The following ZBTB20 variants were observed in gnomAD, a reference collection of about 807,000 sequenced individuals.
ZBTB20 encodes zinc finger and BTB domain-containing protein 20.
In ZBTB20, 9 loss-of-function variants were observed where a neutral mutation model predicts 56.9. The ratio of observed to expected loss-of-function variants is 0.16; its 90% CI spans 0.10 to 0.28. ZBTB20 has a LOEUF of 0.28. ZBTB20 is among the 10% of genes least tolerant of loss of function. ZBTB20 has a pLI of 1.00. For synonymous variants in ZBTB20, 417 were observed against 420.7 expected, an observed-to-expected ratio of 0.99 and a Z score of 0.11; for missense variants, 655 against 1,003.0, an observed-to-expected ratio of 0.65 and a Z score of 4.69.
At chr3:114,608,887 T>C (rs923516785) in intron 6 of ZBTB20, among the ~76,000 whole-genome samples, 2 of 152,194 alleles carry the variant, frequency 1.3e-5, no homozygotes, top group Non-Finnish European at 2.9e-5. Flanking sequence ...CATGTTTGCA[T>C]TACAGAGATA....
chr3:114,687,384 C>T (rs1180338347), intron 6 of ZBTB20: 1 of 151,420 alleles, frequency 6.6e-6, no homozygotes, highest in African/African-American at 2.4e-5. Flanking sequence ...ATTAGAGCAG[C>T]AGGAGAGAAT....
intron 7 of ZBTB20, among the ~76,000 whole-genome samples, chr3:114,441,664 A>G (rs1448175895): frequency 6.6e-6 from 1 of 152,122 alleles, no homozygotes; most frequent in African/African-American, 2.4e-5. Context: ...CACTACATTT[A>G]TTGTAAGCAA....
intron 7 of ZBTB20, among the ~76,000 whole-genome samples, chr3:114,472,680 C>T (rs778563832): frequency 6.8e-4 from 103 of 150,542 alleles, no homozygotes; most frequent in Non-Finnish European, 1.3e-3. Flanking sequence ...TGCACTCCAG[C>T]CTGGACAACA....
At chr3:114,638,198 G>GC (rs1186037496) in intron 6 of ZBTB20, among the ~76,000 whole-genome samples, 1 of 152,028 alleles carries the variant, frequency 6.6e-6, no homozygotes, top group Non-Finnish European at 1.5e-5. Flanking sequence ...TTCTGAGAAA[G>GC]CTTTTTTTTT....
chr3:114,913,362 G>C (rs775117429), intron 3 of ZBTB20, among the ~76,000 whole-genome samples: 9 of 151,928 alleles, frequency 5.9e-5, no homozygotes, highest in South Asian at 4.1e-4. Flanking sequence ...TCATATACCA[G>C]TTTGCGATTT....
rs534321841 is a variant in ZBTB20, at chr3:115,111,921, A to G, written c.-703+35298T>C. Among the ~76,000 whole-genome samples the G allele has an allele frequency of 3.9e-5, 6 of 152,258 alleles. No homozygotes were observed. In the South Asian group the frequency reaches 1.2e-3, roughly 32 times the overall value. ...GGTGTCAAATCAAAATCCATCTCTT[A>G]AAGCTAATCAAGAAAAGTGAAGTAA... On this transcript the variant is annotated intron_variant, in intron 1 of 11. Coordinates refer to ENST00000675478, the MANE Select transcript of ZBTB20 (RefSeq NM_001348800.3).
rs2076291449 is a variant in ZBTB20, at chr3:114,929,837, C to A, written c.-455-29495G>T. On this transcript the variant is annotated intron_variant, in intron 3 of 11. Coordinates refer to ENST00000675478, the MANE Select transcript of ZBTB20 (RefSeq NM_001348800.3). ...AATAACAAGAATAAGTATTTTAACT[C>A]CTTCCTTTGAAATGAAAAGACAAAT... is the stretch of plus-strand genomic sequence containing the variant. Among the ~76,000 whole-genome samples, 4 of 152,192 alleles carry A rather than the reference C, an allele frequency of 2.6e-5. No homozygotes were observed. The South Asian group carries it at 8.3e-4, about 32-fold the overall frequency.
rs368252241 is a variant in ZBTB20, at chr3:115,124,930, TAATA to T, written c.-703+22285_-703+22288del. On this transcript the variant is annotated intron_variant, in intron 1 of 11. Transcript: ENST00000675478. ...GATTTTTATGTTTATTAGAATACCCTAATAAACATAGGTAAACACGAGTTTACCT... is the reference window on the plus strand; with the variant it reads ...GATTTTTATGTTTATTAGAATACCCTAACATAGGTAAACACGAGTTTACCT... Among the ~76,000 whole-genome samples the T allele has an allele frequency of 2.6e-3, 388 of 152,100 alleles. 2 individuals carry two copies. The highest frequency in any genetic ancestry group is 9.2e-3 in the African/African-American group (380 of 41,498).
At chr3:114,744,541 C>A (rs2066880814) in intron 5 of ZBTB20, among the ~76,000 whole-genome samples, 1 of 152,034 alleles carries the variant, frequency 6.6e-6, no homozygotes, top group African/African-American at 2.4e-5. Flanking sequence ...CTTTTACATG[C>A]AAGGGTGCTG....
intron 7 of ZBTB20, among the ~76,000 whole-genome samples, chr3:114,428,145 G>C (rs970514734): frequency 2.0e-5 from 3 of 152,126 alleles, no homozygotes; most frequent in Admixed American, 6.5e-5. Flanking sequence ...AGAAAATAGA[G>C]AGAATCCCCC....
intron 6 of ZBTB20, among the ~76,000 whole-genome samples, chr3:114,634,371 CAT>C (rs1478867171): frequency 6.6e-6 from 1 of 152,110 alleles, no homozygotes; most frequent in African/African-American, 2.4e-5. Context: ...AACAAGTAAA[CAT>C]AATTAAATAG....
chr3:114,404,791 C>G (rs972636543), intron 7 of ZBTB20, among the ~76,000 whole-genome samples: 1 of 152,144 alleles, frequency 6.6e-6, no homozygotes, highest in South Asian at 2.1e-4. Flanking sequence ...ATGACTCGCT[C>G]TTTTCCATCT....
At chr3:114,945,394 A>G in intron 3 of ZBTB20, among the ~76,000 whole-genome samples, 1 of 145,330 alleles carries the variant, frequency 6.9e-6, no homozygotes, top group South Asian at 2.1e-4. Context: ...TAATAAAAAT[A>G]ATGTTTTAGG....
At chr3:114,563,587 A>T (rs889721415) in intron 6 of ZBTB20, among the ~76,000 whole-genome samples, 3 of 152,130 alleles carry the variant, frequency 2.0e-5, no homozygotes, top group African/African-American at 7.2e-5. Context: ...GTTAACTGCT[A>T]TTGTTGTAAG....
At position 114,337,904 on chromosome 3, in the gene ZBTB20, AC is replaced by A; in HGVS notation, c.*1100del. 1 of 151,712 alleles carries A rather than the reference AC, an allele frequency of 6.6e-6. No homozygotes were observed. Among genetic ancestry groups the A allele is most frequent in the South Asian group, 2.1e-4 (1 of 4,818 alleles). 9.4% of individuals were successfully genotyped at this position (151,712 alleles called of 1,614,324 possible). On this transcript the variant is annotated 3_prime_UTR_variant, in exon 12 of 12. Transcript: ENST00000675478. Reference sequence around the variant, plus strand: ...GAAAAAAATTACTTTTAACAATTTCACTTTTTTTGTTTTTTTTTTTACACAA... The same window carrying A: ...GAAAAAAATTACTTTTAACAATTTCATTTTTTTGTTTTTTTTTTTACACAA...
chr3:114,659,175 G>C (rs1398307641), intron 6 of ZBTB20, among the ~76,000 whole-genome samples: 1 of 152,110 alleles, frequency 6.6e-6, no homozygotes, highest in African/African-American at 2.4e-5. Context: ...AACTCTAGAG[G>C]GTCAAATGGA....
chr3:114,374,922 G>T (rs1378607444), intron 10 of ZBTB20, among the ~76,000 whole-genome samples: 1 of 152,172 alleles, frequency 6.6e-6, no homozygotes, highest in Admixed American at 6.5e-5. Context: ...TCAGCTTTCC[G>T]ATTGGAAACT....
At chr3:115,103,980 A>G (rs543274479) in intron 1 of ZBTB20, among the ~76,000 whole-genome samples, 6 of 152,350 alleles carry the variant, frequency 3.9e-5, no homozygotes, top group African/African-American at 1.4e-4. Flanking sequence ...AAAACATGCA[A>G]AGAATTCTTA....
chr3:114,646,973 T>C (rs2059878960), intron 6 of ZBTB20, among the ~76,000 whole-genome samples: 1 of 152,118 alleles, frequency 6.6e-6, no homozygotes. Flanking sequence ...TATTTATTTT[T>C]TTTTAGACAG....
Sources: allele counts gnomAD v4.1 joint callset (sites outside exome capture counted in the v4.1 genomes callset), GRCh38; gene constraint gnomAD v4.1.1; transcripts MANE v1.5; gene names NCBI Gene and HGNC (gene_info 2026-07-23, HGNC 2026-07-21).